GPHN: variants seen among roughly 807,000 people sequenced by gnomAD.
GPHN encodes the protein gephyrin.
GPHN carries 17 observed loss-of-function variants against 95.5 expected under a neutral mutation model. The observed-to-expected ratio is 0.18, with a 90% CI of 0.12 to 0.27. The LOEUF is 0.27. Among genes scored for constraint, GPHN ranks in the 10% least tolerant of loss-of-function variants. The pLI, the probability that GPHN is intolerant of heterozygous loss-of-function variation, is 1.00. For synonymous variants in GPHN, 320 were observed against 322.5 expected (o/e 0.99, Z 0.08); for missense variants, 660 against 978.1 (o/e 0.67, Z 4.34).
the GPHN span, chr14:67,335,347 T>C: frequency 6.6e-6 from 1 of 152,348 alleles, no homozygotes; most frequent in East Asian, 1.9e-4. Flanking sequence ...GCCAATTCCA[T>C]TTCCTGTCCC....
intron 13 of GPHN, among the ~76,000 whole-genome samples, chr14:67,102,358 A>G (rs1228318308): frequency 6.6e-6 from 1 of 152,040 alleles, no homozygotes; most frequent in African/African-American, 2.4e-5. Flanking sequence ...ACTACCAAGC[A>G]ATATATAAAA....
the GPHN span, among the ~76,000 whole-genome samples, chr14:67,480,208 T>C: frequency 3.3e-5 from 5 of 152,172 alleles, no homozygotes; most frequent in South Asian, 1.0e-3. Context: ...TCTTACCCGA[T>C]GCAGGGTCAC....
chr14:66,989,044 G>A (rs968060487), intron 9 of GPHN, among the ~76,000 whole-genome samples: 13 of 151,798 alleles, frequency 8.6e-5, no homozygotes, highest in East Asian at 3.9e-4. Context: ...GTATCTCTAC[G>A]CTAAATTTCT....
At chr14:67,240,231 G>A in the GPHN span, among the ~76,000 whole-genome samples, 1 of 152,176 alleles carries the variant, frequency 6.6e-6, no homozygotes, top group Non-Finnish European at 1.5e-5. Flanking sequence ...TTCACCACCA[G>A]GAACAACGGT....
intron 1 of GPHN, among the ~76,000 whole-genome samples, chr14:66,604,133 G>T (rs2062393865): frequency 6.6e-6 from 1 of 151,988 alleles, no homozygotes; most frequent in African/African-American, 2.4e-5. Flanking sequence ...GAGGAATTCT[G>T]ACTCATAGAG....
At chr14:67,563,227 C>T in the GPHN span, among the ~76,000 whole-genome samples, 2 of 152,202 alleles carry the variant, frequency 1.3e-5, no homozygotes, top group African/African-American at 4.8e-5. Flanking sequence ...GCCCCAGAAG[C>T]AAACCACTAG....
At chr14:66,715,589 A>G (rs972308186) in intron 2 of GPHN, among the ~76,000 whole-genome samples, 3 of 151,960 alleles carry the variant, frequency 2.0e-5, no homozygotes, top group Non-Finnish European at 4.4e-5. Context: ...GTTTGTGCTC[A>G]TTCAGTCTTT....
chr14:67,710,054 T>TA, the GPHN span, among the ~76,000 whole-genome samples: 1 of 152,224 alleles, frequency 6.6e-6, no homozygotes, highest in Non-Finnish European at 1.5e-5. Context: ...CCTCCCCACT[T>TA]AGAGTCTTCC....
the GPHN span, among the ~76,000 whole-genome samples, chr14:67,348,282 C>G: frequency 6.6e-6 from 1 of 151,940 alleles, no homozygotes; most frequent in Non-Finnish European, 1.5e-5. Context: ...CCATATTAGG[C>G]TGGTCTCGAA....
the GPHN span, among the ~76,000 whole-genome samples, chr14:67,417,908 T>C: frequency 6.6e-6 from 1 of 152,126 alleles, no homozygotes; most frequent in East Asian, 1.9e-4. Context: ...CATGCCTGGC[T>C]AATTATTTAA....
chr14:66,739,235 G>A (rs75184575), intron 2 of GPHN, among the ~76,000 whole-genome samples: 7 of 56,186 alleles, frequency 1.2e-4, no homozygotes, highest in Non-Finnish European at 2.5e-4. Context: ...TTTTTTTTTT[G>A]AGACAGAGTC....
chr14:66,518,175 A>T (rs924586277), intron 1 of GPHN, among the ~76,000 whole-genome samples: 1 of 152,012 alleles, frequency 6.6e-6, no homozygotes, highest in Non-Finnish European at 1.5e-5. Context: ...CAATCTGATT[A>T]AAAAAAGATG....
Position 66,592,710 on chromosome 14 carries a change from G to A in GPHN, c.64+84119G>A, listed in dbSNP as rs9682333. On this transcript the variant is annotated intron_variant, in intron 1 of 22. Transcript: ENST00000478722. ...ACTTTTACACTGTTGGTCAGAGTGTGAATTAGTTCAACCATTGTGGAAGAC... is the reference window on the plus strand; with the variant it reads ...ACTTTTACACTGTTGGTCAGAGTGTAAATTAGTTCAACCATTGTGGAAGAC... Among the ~76,000 whole-genome samples the A allele has an allele frequency of 3.6e-3, 555 of 152,272 alleles. 12 individuals are homozygous for A. Among genetic ancestry groups the A allele is most frequent in the African/African-American group, 0.013 (529 of 41,570 alleles).
At chr14:66,767,200 T>G (rs181557052) in intron 2 of GPHN, among the ~76,000 whole-genome samples, 2 of 152,166 alleles carry the variant, frequency 1.3e-5, no homozygotes. Flanking sequence ...ACTAAAGACT[T>G]GAATCTATAA....
At chr14:67,438,319 T>G in the GPHN span, among the ~76,000 whole-genome samples, 2 of 152,212 alleles carry the variant, frequency 1.3e-5, no homozygotes, top group South Asian at 4.1e-4. Flanking sequence ...CTGATGCTGG[T>G]TTCAGCTCCC....
At chr14:67,108,935 T>C (rs1259546268) in intron 13 of GPHN, among the ~76,000 whole-genome samples, 1 of 152,122 alleles carries the variant, frequency 6.6e-6, no homozygotes, top group Non-Finnish European at 1.5e-5. Context: ...AATGAAGATA[T>C]ATTCTGAGAA....
chr14:67,239,911 C>G, the GPHN span, among the ~76,000 whole-genome samples: 1 of 152,076 alleles, frequency 6.6e-6, no homozygotes, highest in Non-Finnish European at 1.5e-5. Context: ...ACACAGTAAC[C>G]GTTTTTTCTT....
chr14:67,726,052 G>A, the GPHN span: 1 of 1,611,316 alleles, frequency 6.2e-7, no homozygotes, highest in Non-Finnish European at 8.5e-7. Flanking sequence ...GCCCTATAGA[G>A]GAAAAGCAGC....
the GPHN span, among the ~76,000 whole-genome samples, chr14:67,247,784 G>A: frequency 9.8e-4 from 149 of 152,054 alleles, no homozygotes; most frequent in African/African-American, 3.5e-3. Context: ...TCACCATGTT[G>A]CCCAGGCTGG....
Sources: allele counts gnomAD v4.1 joint callset (sites outside exome capture counted in the v4.1 genomes callset), GRCh38; gene constraint gnomAD v4.1.1; transcripts MANE v1.5; gene names NCBI Gene and HGNC (gene_info 2026-07-23, HGNC 2026-07-21).